MEGF11: variants seen among roughly 807,000 people sequenced by gnomAD.
MEGF11 encodes multiple epidermal growth factor-like domains protein 11.
Under a neutral mutation model 146.6 loss-of-function variants are expected in MEGF11, and 126 were observed. The ratio of observed to expected loss-of-function variants is 0.86; its 90% CI spans 0.74 to 1.00. The LOEUF is 1.00. MEGF11 is among the 50% of genes least tolerant of loss of function. The pLI, the probability that MEGF11 is intolerant of heterozygous loss-of-function variation, is 0.00. For missense variants in MEGF11, 1,509 were observed against 1,521.2 expected, an observed-to-expected ratio of 0.99 and a Z score of 0.13; for synonymous variants, 532 against 583.4, an observed-to-expected ratio of 0.91 and a Z score of 1.27.
chr15:65,931,012 A>G (rs11631506), intron 10 of MEGF11, 69 bp from the exon 11 acceptor site: 122,172 of 1,440,270 alleles, frequency 0.085, 5,891 homozygotes, highest in Non-Finnish European at 0.098. Flanking sequence ...TAGGCAGGAT[A>G]ATGACCCCTG....
intron 20 of MEGF11, 53 bp from the exon 21 acceptor site, chr15:65,912,253 G>T (rs1475909450): frequency 3.1e-5 from 33 of 1,074,066 alleles, no homozygotes; most frequent in Non-Finnish European, 3.8e-5. Context: ...CCTGGCATGA[G>T]ATACCCCCAG....
chr15:65,979,915 G>T (rs188437149), intron 7 of MEGF11, among the ~76,000 whole-genome samples: 87 of 152,212 alleles, frequency 5.7e-4, no homozygotes, highest in African/African-American at 1.9e-3. Context: ...GGCCCATGAG[G>T]TTACAAATCT....
intron 5 of MEGF11, among the ~76,000 whole-genome samples, chr15:66,079,218 G>C (rs560931307): frequency 6.6e-6 from 1 of 152,114 alleles, no homozygotes; most frequent in Non-Finnish European, 1.5e-5. Flanking sequence ...TTCTTGGGGG[G>C]ACAGATGAGG....
chr15:66,074,597 A>G (rs2085500745), intron 5 of MEGF11, among the ~76,000 whole-genome samples: 1 of 152,274 alleles, frequency 6.6e-6, no homozygotes, highest in Non-Finnish European at 1.5e-5. Context: ...ATTTTAAAAT[A>G]TCGGTGTGTG....
intron 24 of MEGF11, chr15:65,901,732 A>G (rs533285123): frequency 3.9e-5 from 6 of 152,250 alleles, no homozygotes; most frequent in Admixed American, 2.6e-4. Context: ...AGCTGCCTCA[A>G]CTGCATATTT....
rs767762493 is a variant in MEGF11 at position 65,915,518 on chromosome 15, C to T, written c.2425G>A (p.Gly809Ser). 1.2e-5 allele frequency: 19 copies of T among 1,613,814 alleles called. No homozygotes were observed. Among genetic ancestry groups the T allele is most frequent in the Non-Finnish European group, 1.4e-5 (16 of 1,179,870 alleles). The change falls in exon 19 of 26, where the codon GGC becomes AGC. Residue 809 changes from glycine to serine, a missense_variant. By Grantham distance (56) the Gly-to-Ser change is moderately conservative. Coordinates refer to ENST00000395614, the MANE Select transcript of MEGF11 (RefSeq NM_001385028.1). ...AAGCCAGGGCTGCAGTAACAGGTGC[C>T]GGTGACATGGTCACAGGTGGAGTTG... is the stretch of plus-strand genomic sequence containing the variant. ...MNNSTCDHVT[G>S]TCYCSPGFKG...
At chr15:66,201,192 C>T (rs1202338957) in intron 1 of MEGF11, among the ~76,000 whole-genome samples, 3 of 152,118 alleles carry the variant, frequency 2.0e-5, no homozygotes, top group African/African-American at 4.8e-5. Context: ...CTGAGGTCCT[C>T]GCTTCTCCCT....
At chr15:66,137,562 T>TC (rs1161807612) in intron 1 of MEGF11, among the ~76,000 whole-genome samples, 8 of 150,336 alleles carry the variant, frequency 5.3e-5, no homozygotes, top group Non-Finnish European at 7.4e-5. Context: ...TTTCTTTCTT[T>TC]TTTTTTTTTT....
At chr15:66,001,566 C>CCT (rs1026147830) in intron 5 of MEGF11, among the ~76,000 whole-genome samples, 5 of 152,028 alleles carry the variant, frequency 3.3e-5, no homozygotes, top group African/African-American at 9.7e-5. Context: ...TGGTGTCTCT[C>CCT]CTCTCTCTCT....
intron 9 of MEGF11, among the ~76,000 whole-genome samples, chr15:65,960,056 G>A (rs1467529671): frequency 6.6e-6 from 1 of 152,138 alleles, no homozygotes; most frequent in African/African-American, 2.4e-5. Flanking sequence ...TAAGCACTTT[G>A]TATACAAAGC....
chr15:65,945,737 T>C (rs1450475676), intron 10 of MEGF11, among the ~76,000 whole-genome samples: 1 of 152,184 alleles, frequency 6.6e-6, no homozygotes, highest in Non-Finnish European at 1.5e-5. Context: ...GACAGGTGCC[T>C]GATTCCCCCA....
chr15:66,105,382 T>C (rs1268286470), intron 4 of MEGF11, among the ~76,000 whole-genome samples: 1 of 152,212 alleles, frequency 6.6e-6, no homozygotes, highest in Non-Finnish European at 1.5e-5. Flanking sequence ...CTCCCCAGCA[T>C]TAATCCTCTA....
chr15:65,902,205 G>A (rs2078512319), intron 24 of MEGF11: 1 of 152,278 alleles, frequency 6.6e-6, no homozygotes, highest in South Asian at 2.1e-4. Flanking sequence ...CCAGTTGATA[G>A]TGCCTCTTCT....
chr15:66,064,410 A>G (rs2085030868), intron 5 of MEGF11, among the ~76,000 whole-genome samples: 1 of 152,158 alleles, frequency 6.6e-6, no homozygotes, highest in Non-Finnish European at 1.5e-5. Flanking sequence ...ACAACTTCAA[A>G]TCCCATTAAA....
chr15:65,965,596 C>CTTTTTTT (rs1567180017), intron 8 of MEGF11, among the ~76,000 whole-genome samples: 2 of 14,636 alleles, frequency 1.4e-4, no homozygotes, highest in Non-Finnish European at 3.0e-4. Flanking sequence ...TTCTTTCTTT[C>CTTTTTTT]TTTCTTTTTT....
At chr15:66,181,136 T>C (rs2090535619) in intron 1 of MEGF11, among the ~76,000 whole-genome samples, 1 of 152,262 alleles carries the variant, frequency 6.6e-6, no homozygotes, top group African/African-American at 2.4e-5. Context: ...ACATATTACC[T>C]AGGCAAAAAT....
intron 5 of MEGF11, among the ~76,000 whole-genome samples, chr15:66,018,864 G>A (rs1039900672): frequency 1.3e-5 from 2 of 152,258 alleles, no homozygotes; most frequent in Non-Finnish European, 2.9e-5. Flanking sequence ...AAGCCAGAAT[G>A]AGATGTGTAG....
intron 10 of MEGF11, among the ~76,000 whole-genome samples, chr15:65,942,542 T>TATGGTG (rs938843329): frequency 4.0e-5 from 6 of 150,724 alleles, no homozygotes; most frequent in African/African-American, 1.5e-4. Flanking sequence ...TGATGATGAC[T>TATGGTG]ATGGTGGTGG....
At chr15:66,243,757 C>T (rs1374508250) in intron 1 of MEGF11, among the ~76,000 whole-genome samples, 2 of 152,036 alleles carry the variant, frequency 1.3e-5, no homozygotes, top group African/African-American at 4.8e-5. Context: ...GCAAGTCAGG[C>T]AGGGGAAGGA....
Sources: allele counts gnomAD v4.1 joint callset (sites outside exome capture counted in the v4.1 genomes callset), GRCh38; gene constraint gnomAD v4.1.1; transcripts MANE v1.5; gene names NCBI Gene and HGNC (gene_info 2026-07-23, HGNC 2026-07-21).